The following LSAMP variants were observed in gnomAD, a reference collection of about 807,000 sequenced individuals.
LSAMP encodes limbic system associated membrane protein.
LSAMP carries 7 observed loss-of-function variants against 38.6 expected under a neutral mutation model. The observed-to-expected ratio is 0.18, with a 90% confidence interval of 0.10 to 0.34. The LOEUF (loss-of-function observed/expected upper bound fraction) is 0.34, where lower values mean the gene tolerates loss of function less well. Among genes scored for constraint, LSAMP ranks in the 10% least tolerant of loss-of-function variants. The pLI is 1.00. For missense variants in LSAMP, 313 were observed against 420.0 expected (o/e 0.75, Z 2.23); for synonymous variants, 154 against 166.8 (o/e 0.92, Z 0.59).
intron 1 of LSAMP, among the ~76,000 whole-genome samples, chr3:116,392,218 A>T (rs2048711338): frequency 6.6e-6 from 1 of 152,130 alleles, no homozygotes; most frequent in Admixed American, 6.5e-5. Flanking sequence ...GAGTTGGTGG[A>T]GTGGGAACTC....
chr3:116,169,440 C>T (rs1710141455), intron 1 of LSAMP, among the ~76,000 whole-genome samples: 1 of 152,186 alleles, frequency 6.6e-6, no homozygotes, highest in South Asian at 2.1e-4. Flanking sequence ...AGCACATGTG[C>T]TAAGGTATCC....
chr3:116,116,729 A>G (rs183220551), intron 1 of LSAMP, among the ~76,000 whole-genome samples: 3,595 of 150,096 alleles, frequency 0.024, 67 homozygotes, highest in Non-Finnish European at 0.037. Flanking sequence ...TAATAATGAT[A>G]ATAATAATAA....
At chr3:116,410,138 C>T (rs2048951960) in intron 1 of LSAMP, among the ~76,000 whole-genome samples, 1 of 152,066 alleles carries the variant, frequency 6.6e-6, no homozygotes, top group South Asian at 2.1e-4. Flanking sequence ...ATAATTTCTG[C>T]TGTTTTTCGT....
chr3:116,341,563 A>G (rs780988579), intron 1 of LSAMP, among the ~76,000 whole-genome samples: 84 of 152,146 alleles, frequency 5.5e-4, no homozygotes, highest in Middle Eastern at 3.4e-3. Flanking sequence ...AAACCAATAC[A>G]TCTTGAGCAA....
At chr3:115,989,949 C>A (rs1939620062) in intron 3 of LSAMP, among the ~76,000 whole-genome samples, 1 of 151,942 alleles carries the variant, frequency 6.6e-6, no homozygotes, top group Non-Finnish European at 1.5e-5. Context: ...AAAGAACAAC[C>A]CGTGTACATT....
chr3:116,263,253 T>TG (rs2046849339), intron 1 of LSAMP, among the ~76,000 whole-genome samples: 1 of 152,096 alleles, frequency 6.6e-6, no homozygotes, highest in African/African-American at 2.4e-5. Flanking sequence ...TAAAAAAGGA[T>TG]GGGGCTGGGT....
intron 1 of LSAMP, among the ~76,000 whole-genome samples, chr3:116,334,603 TC>T (rs1357194636): frequency 2.6e-5 from 4 of 151,958 alleles, no homozygotes; most frequent in African/African-American, 9.7e-5. Context: ...AAAAAGTCAA[TC>T]AATGTAATAT....
chr3:116,065,527 T>C (rs929051641), intron 2 of LSAMP, among the ~76,000 whole-genome samples: 1 of 152,228 alleles, frequency 6.6e-6, no homozygotes, highest in Non-Finnish European at 1.5e-5. Context: ...CATCTTTACT[T>C]TCTGCACTTT....
intron 1 of LSAMP, among the ~76,000 whole-genome samples, chr3:116,248,887 C>T: frequency 6.6e-6 from 1 of 152,050 alleles, no homozygotes; most frequent in East Asian, 1.9e-4. Flanking sequence ...GTGGCTCACG[C>T]CTATAATCCC....
intron 1 of LSAMP, 66 bp downstream of exon 1, chr3:116,444,805 CACACAA>C (rs1482520607): frequency 1.2e-5 from 17 of 1,401,458 alleles, no homozygotes; most frequent in South Asian, 7.2e-5. Flanking sequence ...CACACACACA[CACACAA>C]ACACACACAC....
chr3:115,879,591 C>A (rs1936270852), intron 3 of LSAMP, among the ~76,000 whole-genome samples: 1 of 152,132 alleles, frequency 6.6e-6, no homozygotes, highest in Admixed American at 6.6e-5. Context: ...ATAACATGCT[C>A]CATTAAGCAT....
rs920140176 is a variant in LSAMP, at chr3:116,261,844, GTTA to G, written c.156-175291_156-175289del. Among the ~76,000 whole-genome samples the G allele has an allele frequency of 2.5e-4, 37 of 149,164 alleles. No individual in the cohort carries two copies. The South Asian group carries it at 4.2e-3, about 17-fold the overall frequency. On this transcript the variant is annotated intron_variant, in intron 1 of 6. Coordinates refer to ENST00000490035, the MANE Select transcript of LSAMP (RefSeq NM_002338.5). ...TTATTGATATGTTATGCACATATAT[GTTA>G]TTATAATATAAAATATATACATTAT...
chr3:115,966,745 T>G (rs1938828661), intron 3 of LSAMP, among the ~76,000 whole-genome samples: 1 of 152,198 alleles, frequency 6.6e-6, no homozygotes, highest in Admixed American at 6.5e-5. Context: ...ATAAGCATAA[T>G]GTTGAATAAA....
At chr3:116,268,661 C>T (rs2046926779) in intron 1 of LSAMP, among the ~76,000 whole-genome samples, 1 of 148,008 alleles carries the variant, frequency 6.8e-6, no homozygotes, top group Non-Finnish European at 1.5e-5. Flanking sequence ...TTTAAGATTT[C>T]CAAAGTGTTT....
At chr3:116,071,831 C>G (rs1317423308) in intron 2 of LSAMP, among the ~76,000 whole-genome samples, 1 of 152,158 alleles carries the variant, frequency 6.6e-6, no homozygotes, top group Non-Finnish European at 1.5e-5. Context: ...CTCCCACTTA[C>G]AAGTGAGAAC....
At chr3:115,897,173 A>T (rs1053389686) in intron 3 of LSAMP, among the ~76,000 whole-genome samples, 1 of 151,948 alleles carries the variant, frequency 6.6e-6, no homozygotes, top group African/African-American at 2.4e-5. Flanking sequence ...GGGAGGGAGG[A>T]GGTATTGCTT....
At chr3:116,187,575 GTT>G (rs1254389640) in intron 1 of LSAMP, among the ~76,000 whole-genome samples, 2 of 152,040 alleles carry the variant, frequency 1.3e-5, no homozygotes, top group East Asian at 3.9e-4. Context: ...AAACATGAAA[GTT>G]TTATATTCTT....
intron 1 of LSAMP, among the ~76,000 whole-genome samples, chr3:116,165,291 C>T (rs1306345963): frequency 1.3e-5 from 2 of 152,162 alleles, no homozygotes; most frequent in Admixed American, 6.5e-5. Context: ...CCCATCATTG[C>T]AGCTTTCTCC....
At chr3:115,958,162 A>T (rs77203826) in intron 3 of LSAMP, among the ~76,000 whole-genome samples, 11,695 of 152,278 alleles carry the variant, frequency 0.077, 534 homozygotes, top group Non-Finnish European at 0.099. Context: ...ACATAAAAAC[A>T]TTGGTATAGG....
Sources: allele counts gnomAD v4.1 joint callset (sites outside exome capture counted in the v4.1 genomes callset), GRCh38; gene constraint gnomAD v4.1.1; transcripts MANE v1.5; gene names NCBI Gene and HGNC (gene_info 2026-07-23, HGNC 2026-07-21).